The following HERC4 variants were observed in gnomAD, a reference collection of about 807,000 sequenced individuals.
HERC4 encodes HECT and RLD domain containing E3 ubiquitin protein ligase 4.
Under a neutral mutation model 124.3 loss-of-function variants are expected in HERC4, and 28 were observed. The observed-to-expected ratio is 0.23, with a 90% CI of 0.17 to 0.31. The LOEUF is 0.31. Among genes scored for constraint, HERC4 ranks in the 10% least tolerant of loss-of-function variants. The probability of loss-of-function intolerance (pLI) is 1.00; values close to 1 mark genes in which losing one functional copy is unlikely to be tolerated. For missense variants in HERC4, 713 were observed against 1,229.3 expected, an observed-to-expected ratio of 0.58 and a Z score of 6.28; for synonymous variants, 407 against 421.5, an observed-to-expected ratio of 0.97 and a Z score of 0.42.
At chr10:67,999,151 G>C (rs901430068) in intron 9 of HERC4, among the ~76,000 whole-genome samples, 3 of 152,162 alleles carry the variant, frequency 2.0e-5, no homozygotes, top group Non-Finnish European at 2.9e-5. Flanking sequence ...AGATTATTAA[G>C]TTGTATCTCA....
intron 9 of HERC4, among the ~76,000 whole-genome samples, chr10:68,009,539 A>G (rs2037805644): frequency 6.6e-6 from 1 of 152,240 alleles, no homozygotes; most frequent in Non-Finnish European, 1.5e-5. Context: ...TGCAAGTCTT[A>G]AACTTTTTGT....
At chr10:68,053,065 T>G (rs1338461555) in intron 3 of HERC4, among the ~76,000 whole-genome samples, 1 of 152,218 alleles carries the variant, frequency 6.6e-6, no homozygotes, top group Non-Finnish European at 1.5e-5. Flanking sequence ...CTTCCACTTA[T>G]TAGTCTTTTT....
chr10:68,031,330 G>A (rs894988072), intron 7 of HERC4, among the ~76,000 whole-genome samples: 6 of 152,112 alleles, frequency 3.9e-5, no homozygotes, highest in Non-Finnish European at 8.8e-5. Flanking sequence ...CACCACACAT[G>A]ATATTTTTTA....
intron 23 of HERC4, among the ~76,000 whole-genome samples, chr10:67,931,488 G>C (rs759973508): frequency 6.6e-6 from 1 of 151,694 alleles, no homozygotes; most frequent in Admixed American, 6.6e-5. Context: ...GCAGTGGCGC[G>C]ATCTTGGCTC....
At chr10:68,021,546 T>A (rs1161605245) in intron 8 of HERC4, among the ~76,000 whole-genome samples, 1 of 152,164 alleles carries the variant, frequency 6.6e-6, no homozygotes, top group Non-Finnish European at 1.5e-5. Context: ...CAGTGGCTCA[T>A]GCCTGTAATC....
chr10:67,998,278 T>G (rs781135567), intron 9 of HERC4, among the ~76,000 whole-genome samples: 7 of 151,534 alleles, frequency 4.6e-5, no homozygotes, highest in Non-Finnish European at 7.4e-5. Flanking sequence ...CCAGGCATGG[T>G]GGCTCATGCC....
At chr10:67,969,554 G>A (rs552016568) in intron 15 of HERC4, among the ~76,000 whole-genome samples, 2 of 152,196 alleles carry the variant, frequency 1.3e-5, no homozygotes, top group South Asian at 4.2e-4. Context: ...AGGAACAAAG[G>A]CCCGTCACCC....
chr10:67,946,398 A>AC (rs1554902009), intron 19 of HERC4, among the ~76,000 whole-genome samples: 66 of 106,636 alleles, frequency 6.2e-4, no homozygotes, highest in Admixed American at 1.2e-3. Context: ...CACACACACA[A>AC]GACCCAATGA....
At chr10:67,963,482 G>C (rs2034655520) in intron 16 of HERC4, among the ~76,000 whole-genome samples, 1 of 152,168 alleles carries the variant, frequency 6.6e-6, no homozygotes, top group Non-Finnish European at 1.5e-5. Flanking sequence ...CTCCCAAAGT[G>C]CTGGGACGTG....
rs887989834 is a variant in HERC4 at position 68,071,772 on chromosome 10, T to C, written c.226+1111A>G. On this transcript the variant is annotated intron_variant, in intron 3 of 24. Coordinates refer to ENST00000373700, the MANE Select transcript of HERC4 (RefSeq NM_015601.4). ...TTCTGCAAGAATTAAAAATCTATTT[T>C]ATGAATGTCACTATCATTTATCCAA... Among the ~76,000 whole-genome samples, 8 of 152,342 alleles carry C rather than the reference T, an allele frequency of 5.3e-5. 1 individual carries two copies. The highest frequency in any genetic ancestry group is 5.2e-4 in the Admixed American group (8 of 15,308).
At chr10:67,992,809 A>G (rs1045900923) in intron 9 of HERC4, 127 bp from the exon 10 acceptor site, 26 of 593,668 alleles carry the variant, frequency 4.4e-5, no homozygotes, top group Non-Finnish European at 7.2e-5. Flanking sequence ...ACTTCATGGT[A>G]TAAAGTGACT....
At chr10:68,067,724 C>A (rs535000654) in intron 3 of HERC4, 4 of 152,280 alleles carry the variant, frequency 2.6e-5, no homozygotes, top group African/African-American at 9.6e-5. Context: ...AATGACTCAA[C>A]AGTAGAAATT....
chr10:68,063,305 G>A (rs2041129210), intron 3 of HERC4, among the ~76,000 whole-genome samples: 1 of 152,072 alleles, frequency 6.6e-6, no homozygotes, highest in African/African-American at 2.4e-5. Context: ...TGCCTCCTAG[G>A]TTCAAGCAAT....
At chr10:67,988,886 C>T (rs2036406954) in intron 14 of HERC4, 51 bp from the exon 15 acceptor site, 1 of 1,449,966 alleles carries the variant, frequency 6.9e-7, no homozygotes, top group Admixed American at 2.1e-5. Context: ...TAAAAAATCA[C>T]AATTTTCAAA....
chr10:68,033,413 C>T (rs1466817870), intron 6 of HERC4, among the ~76,000 whole-genome samples: 1 of 152,106 alleles, frequency 6.6e-6, no homozygotes, highest in Non-Finnish European at 1.5e-5. Context: ...TTATACTGAA[C>T]TATAAGAAAT....
intron 3 of HERC4, 71 bp from the exon 4 acceptor site, chr10:68,044,634 T>G (rs2039928579): frequency 1.4e-6 from 2 of 1,398,078 alleles, no homozygotes; most frequent in Non-Finnish European, 2.0e-6. Context: ...GCATTCTAGT[T>G]TTGAACTTCC....
chr10:68,037,005 C>T (rs779429957), intron 5 of HERC4, among the ~76,000 whole-genome samples: 3 of 152,002 alleles, frequency 2.0e-5, no homozygotes, highest in South Asian at 4.1e-4. Context: ...TGTGCTTCCC[C>T]ATGGTTCCTA....
chr10:68,041,813 T>A (rs1331243611), intron 4 of HERC4, among the ~76,000 whole-genome samples: 1 of 152,162 alleles, frequency 6.6e-6, no homozygotes, highest in Non-Finnish European at 1.5e-5. Context: ...CAGACACTAT[T>A]TAAAATACTT....
At chr10:67,943,973 G>A (rs1437627240) in intron 19 of HERC4, among the ~76,000 whole-genome samples, 3 of 152,208 alleles carry the variant, frequency 2.0e-5, no homozygotes, top group East Asian at 1.9e-4. Flanking sequence ...CTGACTCCAA[G>A]CCCTGGCTCT....
Sources: allele counts gnomAD v4.1 joint callset (sites outside exome capture counted in the v4.1 genomes callset), GRCh38; gene constraint gnomAD v4.1.1; transcripts MANE v1.5; gene names NCBI Gene and HGNC (gene_info 2026-07-23, HGNC 2026-07-21).